SCML4: variants seen among roughly 807,000 people sequenced by gnomAD.
The protein encoded by SCML4 is sex comb on midleg-like protein 4.
In SCML4, 34 loss-of-function variants were observed where a neutral mutation model predicts 41.1. That is an observed-to-expected ratio of 0.83 (90% CI 0.63 to 1.10). SCML4 has a LOEUF of 1.10. Among genes scored for constraint, SCML4 ranks in the 50% least tolerant of loss-of-function variants. The pLI is 0.00. For missense variants in SCML4, 522 were observed against 534.1 expected (o/e 0.98, Z 0.22); for synonymous variants, 214 against 220.9 (o/e 0.97, Z 0.28).
At chr6:107,781,035 G>C (rs1377275936) in intron 1 of SCML4, among the ~76,000 whole-genome samples, 1 of 151,986 alleles carries the variant, frequency 6.6e-6, no homozygotes, top group African/African-American at 2.4e-5. Flanking sequence ...CACAAAAGAA[G>C]GGTGAATAGA....
chr6:107,774,897 C>T (rs1176281755), intron 1 of SCML4, among the ~76,000 whole-genome samples: 1 of 151,762 alleles, frequency 6.6e-6, no homozygotes, highest in Non-Finnish European at 1.5e-5. Flanking sequence ...GTGGCAGGCG[C>T]CTATAATTCC....
chr6:107,739,253 A>C (rs1160677109), intron 5 of SCML4, among the ~76,000 whole-genome samples: 1 of 152,112 alleles, frequency 6.6e-6, no homozygotes, highest in Non-Finnish European at 1.5e-5. Flanking sequence ...CCTTAGATTT[A>C]ATTCAATCTA....
At position 107,702,383 on chromosome 6, in the gene SCML4, T is replaced by C. The variant is rs965202891; in HGVS notation, c.*2817A>G. On this transcript the variant is annotated 3_prime_UTR_variant, in exon 8 of 8. Coordinates refer to ENST00000369020, the MANE Select transcript of SCML4 (RefSeq NM_198081.5). ...CTCAAGGGATCTCTTTGACATTGTTTGGGGCTGATTTTTATTTGAGAGCAC... is the reference window on the plus strand; with the variant it reads ...CTCAAGGGATCTCTTTGACATTGTTCGGGGCTGATTTTTATTTGAGAGCAC... Among the ~76,000 whole-genome samples, 1 of 152,212 alleles carries C rather than the reference T, an allele frequency of 6.6e-6. No homozygotes were observed. Among genetic ancestry groups the C allele is most frequent in the Non-Finnish European group, 1.5e-5 (1 of 68,020 alleles).
intron 2 of SCML4, among the ~76,000 whole-genome samples, chr6:107,756,692 G>A (rs1376868023): frequency 1.4e-4 from 22 of 152,122 alleles, no homozygotes; most frequent in Admixed American, 1.4e-3. Flanking sequence ...AAAATGGGGG[G>A]AAATCAGGTG....
intron 2 of SCML4, among the ~76,000 whole-genome samples, chr6:107,768,132 G>A (rs1780223016): frequency 6.6e-6 from 1 of 151,786 alleles, no homozygotes; most frequent in Admixed American, 6.6e-5. Context: ...AAGTAGCCAG[G>A]CATGGTGACG....
chr6:107,704,804 C>T lies in SCML4; in HGVS notation c.*396G>A, dbSNP rs11153075. On this transcript the variant is annotated 3_prime_UTR_variant, in exon 8 of 8. Transcript: ENST00000369020. Reference sequence around the variant, plus strand: ...AGGTCAGAGTTAGAGGCAGATGGTGCTGAGGGGGTTGTCCCTGCAGAGACC... The same window carrying T: ...AGGTCAGAGTTAGAGGCAGATGGTGTTGAGGGGGTTGTCCCTGCAGAGACC... 0.54 allele frequency: 134,714 copies of T among 250,084 alleles called. 38,276 individuals carry two copies. Among genetic ancestry groups the T allele is most frequent in the South Asian group, 0.61 (13,042 of 21,460 alleles). 15.5% of individuals were successfully genotyped at this position (250,084 alleles called of 1,614,324 possible). A position where few individuals can be genotyped will look rare whatever the true frequency, so the allele number is the denominator to read the frequency against.
chr6:107,840,220 T>C, the SCML4 span, among the ~76,000 whole-genome samples: 5 of 76,832 alleles, frequency 6.5e-5, no homozygotes, highest in Non-Finnish European at 2.0e-4. Context: ...GAAATCCTAA[T>C]TCACTAAACA....
intron 6 of SCML4, among the ~76,000 whole-genome samples, chr6:107,711,717 A>T (rs533228637): frequency 6.6e-6 from 1 of 152,212 alleles, no homozygotes; most frequent in Non-Finnish European, 1.5e-5. Context: ...TTTTAAGGCT[A>T]GAAAAAAGAC....
chr6:107,742,209 G>A (rs989710264), intron 5 of SCML4, among the ~76,000 whole-genome samples: 8 of 152,134 alleles, frequency 5.3e-5, no homozygotes, highest in East Asian at 1.9e-4. Context: ...TAGTGAGCTC[G>A]AAGATAGACT....
At chr6:107,733,955 C>T (rs1776805181) in intron 5 of SCML4, among the ~76,000 whole-genome samples, 1 of 152,200 alleles carries the variant, frequency 6.6e-6, no homozygotes. Flanking sequence ...CTGGCCAGCT[C>T]TAATGGCTCA....
chr6:107,763,049 A>G (rs894673603), intron 2 of SCML4, among the ~76,000 whole-genome samples: 1 of 151,666 alleles, frequency 6.6e-6, no homozygotes, highest in African/African-American at 2.4e-5. Context: ...CAGTTGGCTA[A>G]TTCATTTATT....
chr6:107,818,688 AC>A (rs1720880012), intron 1 of SCML4, among the ~76,000 whole-genome samples: 1 of 152,232 alleles, frequency 6.6e-6, no homozygotes, highest in Admixed American at 6.5e-5. Flanking sequence ...TGTCTCCAAA[AC>A]CAAAAGCATG....
intron 6 of SCML4, among the ~76,000 whole-genome samples, chr6:107,715,932 G>T (rs1422605474): frequency 3.8e-5 from 5 of 130,336 alleles, no homozygotes; most frequent in South Asian, 2.5e-4. Flanking sequence ...TGGTTTTTTT[G>T]ATGATAACTG....
chr6:107,730,218 G>A (rs897106642), intron 5 of SCML4, among the ~76,000 whole-genome samples: 3 of 152,204 alleles, frequency 2.0e-5, no homozygotes, highest in Admixed American at 6.5e-5. Context: ...CTTTTCAAGC[G>A]CTTTTGTGGC....
intron 5 of SCML4, among the ~76,000 whole-genome samples, chr6:107,722,571 A>G (rs920931277): frequency 6.6e-6 from 1 of 152,254 alleles, no homozygotes; most frequent in Admixed American, 6.5e-5. Context: ...AAACAACAAC[A>G]ACAACAAAAA....
intron 1 of SCML4, among the ~76,000 whole-genome samples, chr6:107,808,147 C>T (rs1050907843): frequency 6.6e-6 from 1 of 152,062 alleles, no homozygotes; most frequent in African/African-American, 2.4e-5. Context: ...ATGTATTTTC[C>T]CCAGAGTCAG....
chr6:107,715,417 T>A (rs541529082), intron 6 of SCML4, among the ~76,000 whole-genome samples: 166 of 150,964 alleles, frequency 1.1e-3, no homozygotes, highest in Non-Finnish European at 1.7e-3. Context: ...CAAATAAAAA[T>A]CCAACCACAG....
chr6:107,749,573 C>T, intron 3 of SCML4, 111 bp downstream of exon 3: 2 of 1,316,586 alleles, frequency 1.5e-6, no homozygotes, highest in Non-Finnish European at 1.1e-6. Flanking sequence ...CTAAATCGCT[C>T]ATTTGAGCCA....
intron 7 of SCML4, among the ~76,000 whole-genome samples, chr6:107,706,469 T>A (rs1220157588): frequency 6.6e-6 from 1 of 152,170 alleles, no homozygotes; most frequent in Non-Finnish European, 1.5e-5. Flanking sequence ...ATGATTTCTA[T>A]GACAGAATCA....
Sources: allele counts gnomAD v4.1 joint callset (sites outside exome capture counted in the v4.1 genomes callset), GRCh38; gene constraint gnomAD v4.1.1; transcripts MANE v1.5; gene names NCBI Gene and HGNC (gene_info 2026-07-23, HGNC 2026-07-21).